The following PDE12 variants were observed in gnomAD, a reference collection of about 807,000 sequenced individuals.
PDE12 encodes the protein 2',5'-phosphodiesterase 12.
In PDE12, 26 loss-of-function variants were observed where a neutral mutation model predicts 45.4. The observed-to-expected ratio is 0.57, with a 90% confidence interval of 0.42 to 0.79. PDE12 has a LOEUF of 0.79. Among genes scored for constraint, PDE12 ranks in the 30% least tolerant of loss-of-function variants. The pLI is 0.00. For missense variants in PDE12, 668 were observed against 790.0 expected, an observed-to-expected ratio of 0.85 and a Z score of 1.85; for synonymous variants, 283 against 323.9, an observed-to-expected ratio of 0.87 and a Z score of 1.36.
At chr3:57,591,687 G>C in the PDE12 span, among the ~76,000 whole-genome samples, 3 of 151,918 alleles carry the variant, frequency 2.0e-5, no homozygotes, top group Admixed American at 1.3e-4. Context: ...GGCTGGTCTC[G>C]AACTCCTGAC....
chr3:57,612,197 C>T, the PDE12 span, among the ~76,000 whole-genome samples: 2 of 132,048 alleles, frequency 1.5e-5, no homozygotes, highest in East Asian at 4.5e-4. Context: ...ACAATGAGAA[C>T]ATTTGGACAC....
chr3:57,652,207 AG>A, the PDE12 span, among the ~76,000 whole-genome samples: 1 of 152,198 alleles, frequency 6.6e-6, no homozygotes. Flanking sequence ...ACAACTTTGA[AG>A]GCTGAGTCAT....
chr3:57,597,028 ACCCTG>A, the PDE12 span: 4 of 1,596,382 alleles, frequency 2.5e-6, no homozygotes, highest in African/African-American at 1.3e-5. Flanking sequence ...AATTGTGGAG[ACCCTG>A]CCTTTCCCAG....
rs1167161588 is a variant in PDE12, at chr3:57,560,682, T to A, written c.*678T>A. The A allele has an allele frequency of 1.0e-6, 1 of 984,744 alleles. No individual in the cohort carries two copies. Among genetic ancestry groups the A allele is most frequent in the Non-Finnish European group, 1.2e-6 (1 of 829,320 alleles). 61.0% of individuals were successfully genotyped at this position (984,744 alleles called of 1,614,324 possible). ...AGCTAGGAGTTCAGAATTTTTAAAG[T>A]ACCATTTGAATGATCTTAATTTTTC... On this transcript the variant is annotated 3_prime_UTR_variant, in exon 3 of 3. Coordinates refer to ENST00000311180, the MANE Select transcript of PDE12 (RefSeq NM_177966.7).
chr3:57,640,819 C>T, the PDE12 span, among the ~76,000 whole-genome samples: 2 of 152,108 alleles, frequency 1.3e-5, no homozygotes, highest in Non-Finnish European at 2.9e-5. Context: ...CATATCTTCT[C>T]ATACGCAAGA....
rs763988927 is a variant in PDE12 at position 57,556,301 on chromosome 3, G to A, written c.-79G>A. The A allele has an allele frequency of 4.3e-6, 6 of 1,402,500 alleles. No individual in the cohort carries two copies. Among genetic ancestry groups the A allele is most frequent in the Non-Finnish European group, 5.7e-6 (6 of 1,057,602 alleles). 86.9% of individuals were successfully genotyped at this position (1,402,500 alleles called of 1,614,324 possible). Reference sequence around the variant, plus strand: ...GAGATCTGAATGAGTCAAAGCCGGCGGCCTCGGCTCCTCAGCTCCACCTGA... The same window carrying A: ...GAGATCTGAATGAGTCAAAGCCGGCAGCCTCGGCTCCTCAGCTCCACCTGA... On this transcript the variant is annotated 5_prime_UTR_variant, in exon 1 of 3. Coordinates refer to ENST00000311180, the MANE Select transcript of PDE12 (RefSeq NM_177966.7). This position sits in a 1 kb window ranked among gnomAD's most constrained non-coding sequence, Gnocchi z 5.0.
the PDE12 span, among the ~76,000 whole-genome samples, chr3:57,608,135 C>T: frequency 6.6e-6 from 1 of 152,086 alleles, no homozygotes; most frequent in African/African-American, 2.4e-5. Context: ...TGCAGCCAAA[C>T]TAAGCTTCAT....
the PDE12 span, among the ~76,000 whole-genome samples, chr3:57,614,536 TGTTTTTTG>T: frequency 3.9e-5 from 5 of 128,406 alleles, no homozygotes; most frequent in Admixed American, 8.3e-5. Flanking sequence ...TTTTTTTTTT[TGTTTTTTG>T]TTTTTTTTTT....
chr3:57,647,755 G>C, the PDE12 span, among the ~76,000 whole-genome samples: 1 of 150,174 alleles, frequency 6.7e-6, no homozygotes, highest in South Asian at 2.1e-4. Flanking sequence ...TTGACCTGGT[G>C]TTGAGAGTCA....
the PDE12 span, among the ~76,000 whole-genome samples, chr3:57,646,644 C>T: frequency 6.6e-6 from 1 of 152,156 alleles, no homozygotes; most frequent in South Asian, 2.1e-4. Flanking sequence ...ATCAATTTGA[C>T]TCATCCTAAT....
chr3:57,562,832 G>T lies in PDE12; in HGVS notation c.*2828G>T, dbSNP rs2069740989. On this transcript the variant is annotated 3_prime_UTR_variant, in exon 3 of 3. Coordinates refer to ENST00000311180, the MANE Select transcript of PDE12 (RefSeq NM_177966.7). ...TAATGTATGTTCTTTTTGAAATTCTGTATGCTAAAATCAGTTGTTTCAAAA... is the reference window on the plus strand; with the variant it reads ...TAATGTATGTTCTTTTTGAAATTCTTTATGCTAAAATCAGTTGTTTCAAAA... 6.6e-6 allele frequency: 1 copy of T among 152,144 alleles called. No homozygotes were observed. Among genetic ancestry groups the T allele is most frequent in the East Asian group, 1.9e-4 (1 of 5,196 alleles). The allele number at this position is 152,144 out of a possible 1,614,324, so 9.4% of individuals were successfully genotyped here.
the PDE12 span, among the ~76,000 whole-genome samples, chr3:57,590,290 G>A: frequency 2.6e-5 from 4 of 151,550 alleles, no homozygotes; most frequent in Non-Finnish European, 5.9e-5. Context: ...TTTGAGACCA[G>A]CCTGGCCAAG....
chr3:57,623,463 A>G, the PDE12 span, among the ~76,000 whole-genome samples: 3 of 152,020 alleles, frequency 2.0e-5, no homozygotes, highest in Non-Finnish European at 4.4e-5. Flanking sequence ...TGGATCACCT[A>G]AGGTCAGGAG....
At chr3:57,646,208 T>A in the PDE12 span, 1 of 1,446,626 alleles carries the variant, frequency 6.9e-7, no homozygotes. Flanking sequence ...AATGCAATAA[T>A]GGGTGGGGAA....
the PDE12 span, chr3:57,645,656 C>T: frequency 1.2e-6 from 2 of 1,601,052 alleles, no homozygotes; most frequent in African/African-American, 2.7e-5. Context: ...GTTATTTTTA[C>T]TTACGGAGCT....
chr3:57,604,166 C>T, the PDE12 span, among the ~76,000 whole-genome samples: 1 of 152,080 alleles, frequency 6.6e-6, no homozygotes, highest in Non-Finnish European at 1.5e-5. Flanking sequence ...TTGTGATCCA[C>T]CCACCTTGGC....
the PDE12 span, among the ~76,000 whole-genome samples, chr3:57,652,867 A>G: frequency 6.6e-6 from 1 of 152,232 alleles, no homozygotes; most frequent in African/African-American, 2.4e-5. Context: ...TGAAAGTCAG[A>G]GACTAAAGAA....
At chr3:57,606,945 C>CG in the PDE12 span, among the ~76,000 whole-genome samples, 1 of 152,132 alleles carries the variant, frequency 6.6e-6, no homozygotes, top group South Asian at 2.1e-4. Context: ...GACAGACTGC[C>CG]TACTCAAGTG....
At chr3:57,623,585 A>C in the PDE12 span, among the ~76,000 whole-genome samples, 6 of 152,170 alleles carry the variant, frequency 3.9e-5, no homozygotes, top group Non-Finnish European at 7.4e-5. Context: ...AGGCTGAGGC[A>C]GGAGAATAGC....
Sources: allele counts gnomAD v4.1 joint callset (sites outside exome capture counted in the v4.1 genomes callset), GRCh38; gene constraint gnomAD v4.1.1; non-coding constraint Gnocchi (gnomAD v3.1); transcripts MANE v1.5; gene names NCBI Gene and HGNC (gene_info 2026-07-23, HGNC 2026-07-21).